ZSWIM6: variants seen among roughly 807,000 people sequenced by gnomAD.
ZSWIM6 encodes the protein zinc finger SWIM-type containing 6.
In ZSWIM6, 9 loss-of-function variants were observed where a neutral mutation model predicts 113.2. The ratio of observed to expected loss-of-function variants is 0.08; its 90% CI spans 0.05 to 0.14. The LOEUF (loss-of-function observed/expected upper bound fraction) is 0.14. Ranked by LOEUF, ZSWIM6 falls within the 10% of genes least tolerant of loss-of-function variation. ZSWIM6 has a pLI of 1.00. For missense variants in ZSWIM6, 1,162 were observed against 1,552.2 expected (o/e 0.75, Z 4.22); for synonymous variants, 611 against 606.5 (o/e 1.01, Z -0.11).
chr5:61,479,568 G>A (rs561357680), intron 2 of ZSWIM6, among the ~76,000 whole-genome samples: 1 of 152,122 alleles, frequency 6.6e-6, no homozygotes, highest in South Asian at 2.1e-4. Flanking sequence ...TCTCCAGGTT[G>A]ACTAGAAGAG....
At chr5:61,428,854 A>G (rs1210134420) in intron 1 of ZSWIM6, among the ~76,000 whole-genome samples, 1 of 151,294 alleles carries the variant, frequency 6.6e-6, no homozygotes, top group African/African-American at 2.4e-5. Flanking sequence ...TAGTCTTTAC[A>G]TGTTTGATTT....
chr5:61,440,520 A>T (rs914673424), intron 1 of ZSWIM6, among the ~76,000 whole-genome samples: 9 of 152,178 alleles, frequency 5.9e-5, no homozygotes, highest in African/African-American at 1.9e-4. Flanking sequence ...GTATTAAAAT[A>T]ATTAGCAGAG....
At chr5:61,486,700 T>C (rs1018119172) in intron 2 of ZSWIM6, among the ~76,000 whole-genome samples, 3 of 152,160 alleles carry the variant, frequency 2.0e-5, no homozygotes, top group African/African-American at 7.2e-5. Context: ...GTTAGTGATG[T>C]TGAGCATTTT....
chr5:61,436,280 G>T (rs1222105816), intron 1 of ZSWIM6, among the ~76,000 whole-genome samples: 1 of 151,876 alleles, frequency 6.6e-6, no homozygotes, highest in Non-Finnish European at 1.5e-5. Context: ...GCTGGCCTGT[G>T]CTTTAACTGA....
At chr5:61,389,235 T>C (rs1745650230) in intron 1 of ZSWIM6, among the ~76,000 whole-genome samples, 1 of 152,098 alleles carries the variant, frequency 6.6e-6, no homozygotes, top group African/African-American at 2.4e-5. Flanking sequence ...AGTACAAATA[T>C]ACTGTACTTT....
chr5:61,393,191 C>G (rs1054886873), intron 1 of ZSWIM6, among the ~76,000 whole-genome samples: 3 of 151,794 alleles, frequency 2.0e-5, no homozygotes, highest in Admixed American at 6.6e-5. Context: ...CAGGCGCACA[C>G]CACCACTCCC....
chr5:61,441,911 C>T (rs1390037858), intron 1 of ZSWIM6, among the ~76,000 whole-genome samples: 4 of 152,052 alleles, frequency 2.6e-5, no homozygotes, highest in Admixed American at 6.6e-5. Context: ...GTAAGTATTA[C>T]GAGGGAAGAA....
intron 2 of ZSWIM6, among the ~76,000 whole-genome samples, chr5:61,483,009 A>G (rs1747919516): frequency 1.3e-5 from 2 of 152,168 alleles, no homozygotes; most frequent in East Asian, 1.9e-4. Flanking sequence ...AAAAACCCCA[A>G]CTTAATGTAT....
intron 1 of ZSWIM6, among the ~76,000 whole-genome samples, chr5:61,386,874 T>G (rs1053512440): frequency 6.6e-6 from 1 of 152,248 alleles, no homozygotes; most frequent in Non-Finnish European, 1.5e-5. Flanking sequence ...AGAACATTAC[T>G]AGCTCTCATT....
At chr5:61,388,800 G>A (rs1745643726) in intron 1 of ZSWIM6, among the ~76,000 whole-genome samples, 1 of 152,158 alleles carries the variant, frequency 6.6e-6, no homozygotes, top group Non-Finnish European at 1.5e-5. Context: ...TTTGCTGCAA[G>A]GAAACCTTAA....
At chr5:61,410,596 C>A (rs1746133587) in intron 1 of ZSWIM6, among the ~76,000 whole-genome samples, 1 of 152,176 alleles carries the variant, frequency 6.6e-6, no homozygotes, top group African/African-American at 2.4e-5. Context: ...GCATGAGCCA[C>A]CGTGCCCGGC....
chr5:61,521,534 A>G (rs1160824947), intron 5 of ZSWIM6, 92 bp downstream of exon 5: 5 of 1,104,344 alleles, frequency 4.5e-6, no homozygotes, highest in Non-Finnish European at 5.9e-6. Context: ...TGGGAAAATG[A>G]TTTTACCAAC....
Position 61,543,819 on chromosome 5 carries a change from C to T in ZSWIM6, c.3150C>T (p.Ala1050=), listed in dbSNP as rs949177858. Residue 1050 remains alanine, a synonymous_variant, in exon 14 of 14, where the codon GCC becomes GCT. Coordinates refer to ENST00000252744, the MANE Select transcript of ZSWIM6 (RefSeq NM_020928.2). This position sits in a 1 kb window ranked among gnomAD's most constrained non-coding sequence, Gnocchi z 4.3. ...RGYPMRAYKL[A]TLAMTHLNLS... ...ACCCCATGAGGGCCTACAAGCTGGC[C>T]ACCCTGGCCATGACCCATCTCAACC... 8 of 1,551,804 alleles carry T rather than the reference C, an allele frequency of 5.2e-6. No homozygotes were observed. The highest frequency in any genetic ancestry group is 7.0e-6 in the Non-Finnish European group (8 of 1,147,046).
At chr5:61,377,514 C>G (rs1009751345) in intron 1 of ZSWIM6, among the ~76,000 whole-genome samples, 1 of 151,836 alleles carries the variant, frequency 6.6e-6, no homozygotes, top group African/African-American at 2.4e-5. Context: ...GTCAGGAGAT[C>G]GGAGACCAGC....
intron 2 of ZSWIM6, among the ~76,000 whole-genome samples, chr5:61,479,146 G>A (rs1747790235): frequency 6.6e-6 from 1 of 151,652 alleles, no homozygotes; most frequent in African/African-American, 2.4e-5. Context: ...ACTCCAGCCT[G>A]GGTGACAGAG....
At position 61,501,219 on chromosome 5, in the gene ZSWIM6, C is replaced by T. The variant is rs16891878; in HGVS notation, c.1333+6809C>T. ...CTCTGTATTCTTGGGTCATAGACCT[C>T]GGAGTTCTGCCCTGCTGTGGGGGTG... is the stretch of plus-strand genomic sequence containing the variant. On this transcript the variant is annotated intron_variant, in intron 4 of 13. Coordinates refer to ENST00000252744, the MANE Select transcript of ZSWIM6 (RefSeq NM_020928.2). Among the ~76,000 whole-genome samples, 555 of 152,216 alleles carry T rather than the reference C, an allele frequency of 3.6e-3. 22 individuals carry two copies. The East Asian group carries it at 0.094, about 26-fold the overall frequency.
At chr5:61,366,466 A>G (rs1458106272) in intron 1 of ZSWIM6, among the ~76,000 whole-genome samples, 3 of 152,194 alleles carry the variant, frequency 2.0e-5, no homozygotes, top group African/African-American at 7.2e-5. Context: ...AAAAGACAAA[A>G]CTAGATGTTA....
chr5:61,372,403 A>G (rs547744109), intron 1 of ZSWIM6, among the ~76,000 whole-genome samples: 1 of 152,282 alleles, frequency 6.6e-6, no homozygotes, highest in East Asian at 1.9e-4. Context: ...AACCTGCTAA[A>G]GATGCCAGTG....
intron 9 of ZSWIM6, among the ~76,000 whole-genome samples, chr5:61,533,287 C>T (rs1393980690): frequency 6.6e-6 from 1 of 152,208 alleles, no homozygotes; most frequent in Non-Finnish European, 1.5e-5. Context: ...TTGAGAACTC[C>T]ATGACTGAAT....
Sources: gnomAD v4.1 joint callset for allele counts (sites outside exome capture counted in the v4.1 genomes callset) on GRCh38, gnomAD v4.1.1 for gene constraint, Gnocchi (gnomAD v3.1) non-coding constraint, MANE v1.5 for transcripts, NCBI Gene and HGNC (gene_info 2026-07-23, HGNC 2026-07-21) for gene names.